The following ABAT variants were observed in gnomAD, a reference collection of about 807,000 sequenced individuals.
The protein encoded by ABAT is 4-aminobutyrate aminotransferase, mitochondrial.
A neutral mutation model predicts 64.6 loss-of-function variants in ABAT; 45 were observed. The observed-to-expected ratio is 0.70, with a 90% CI of 0.55 to 0.89. The LOEUF (loss-of-function observed/expected upper bound fraction) is 0.89, where lower values mean the gene tolerates loss of function less well. Among genes scored for constraint, ABAT ranks in the 40% least tolerant of loss-of-function variants. The probability of loss-of-function intolerance (pLI) is 0.00; values close to 1 mark genes in which losing one functional copy is unlikely to be tolerated. For synonymous variants in ABAT, 297 were observed against 250.5 expected (o/e 1.19, Z -1.75); for missense variants, 633 against 658.4 (o/e 0.96, Z 0.42).
intron 1 of ABAT, among the ~76,000 whole-genome samples, chr16:8,729,081 C>T (rs2058641685): frequency 1.3e-5 from 2 of 151,638 alleles, no homozygotes; most frequent in South Asian, 4.2e-4. Context: ...CCAAGGCAGG[C>T]AGATTACTTG....
intron 1 of ABAT, among the ~76,000 whole-genome samples, chr16:8,706,821 A>G (rs1254542360): frequency 2.0e-5 from 3 of 152,226 alleles, no homozygotes; most frequent in Non-Finnish European, 2.9e-5. Flanking sequence ...TATATCCACA[A>G]GAAGGTTTAT....
At chr16:8,769,765 C>G (rs1567313686) in intron 11 of ABAT, among the ~76,000 whole-genome samples, 1 of 152,142 alleles carries the variant, frequency 6.6e-6, no homozygotes, top group Non-Finnish European at 1.5e-5. Flanking sequence ...CGTCATCTAA[C>G]ACAGCCCTCT....
chr16:8,733,837 G>C (rs1039086954), intron 1 of ABAT, among the ~76,000 whole-genome samples: 6 of 147,620 alleles, frequency 4.1e-5, no homozygotes, highest in Non-Finnish European at 8.8e-5. Context: ...GAGAGGGAGA[G>C]GGAACTGAAT....
chr16:8,775,204 T>C (rs1156467778), intron 13 of ABAT, 147 bp downstream of exon 13: 2 of 1,037,478 alleles, frequency 1.9e-6, no homozygotes, highest in African/African-American at 3.2e-5. Flanking sequence ...TCAATGCAAT[T>C]AGCAGTGGTG....
intron 6 of ABAT, among the ~76,000 whole-genome samples, chr16:8,761,076 T>TAAAAC (rs113962100): frequency 0.84 from 126,700 of 151,432 alleles, 54,194 homozygotes; most frequent in Non-Finnish European, 0.93. Context: ...ACCTTGCCTC[T>TAAAAC]GAAACAAAAC....
chr16:8,775,200 C>A, intron 13 of ABAT, 143 bp downstream of exon 13: 2 of 1,067,884 alleles, frequency 1.9e-6, no homozygotes, highest in Non-Finnish European at 2.8e-6. Flanking sequence ...CTTATCAATG[C>A]AATTAGCAGT....
chr16:8,746,053 T>C lies in ABAT; in HGVS notation c.123T>C (p.Tyr41=), dbSNP rs757005452. The change falls in exon 3 of 16, where the codon TAT becomes TAC. Residue 41 remains tyrosine (Y), a synonymous_variant. Coordinates refer to ENST00000268251, the MANE Select transcript of ABAT (RefSeq NM_020686.6). ...AAAKVDVEFD[Y]DGPLMKTEVP... is the part of the protein sequence containing the mutation. ...CCAAAGTCGACGTTGAATTTGATTA[T>C]GATGGGCCTCTGATGAAGACGGAAG... The C allele has an allele frequency of 6.2e-7, 1 of 1,613,996 alleles. No individual in the cohort carries two copies. Among genetic ancestry groups the C allele is most frequent in the East Asian group, 2.2e-5 (1 of 44,872 alleles).
intron 1 of ABAT, among the ~76,000 whole-genome samples, chr16:8,703,677 T>C (rs2057877256): frequency 6.6e-6 from 1 of 152,168 alleles, no homozygotes; most frequent in African/African-American, 2.4e-5. Flanking sequence ...CTCTAAAAAC[T>C]GAACTCTGCT....
chr16:8,777,201 C>T (rs2060291847), intron 14 of ABAT, among the ~76,000 whole-genome samples: 1 of 152,192 alleles, frequency 6.6e-6, no homozygotes, highest in Non-Finnish European at 1.5e-5. Flanking sequence ...CCGTGCCCGG[C>T]CCTGGTTATC....
At chr16:8,759,384 T>TC (rs1391435360) in intron 6 of ABAT, among the ~76,000 whole-genome samples, 1 of 151,770 alleles carries the variant, frequency 6.6e-6, no homozygotes, top group African/African-American at 2.4e-5. Flanking sequence ...TTTTTTTTAC[T>TC]CCCACTGAGA....
intron 2 of ABAT, among the ~76,000 whole-genome samples, chr16:8,744,902 G>T (rs1192588001): frequency 6.6e-6 from 1 of 152,026 alleles, no homozygotes; most frequent in East Asian, 1.9e-4. Context: ...CAATTAATGG[G>T]TGCATAATAT....
intron 11 of ABAT, among the ~76,000 whole-genome samples, chr16:8,770,304 A>AT (rs1381346827): frequency 2.0e-5 from 3 of 151,840 alleles, no homozygotes; most frequent in Non-Finnish European, 4.4e-5. Context: ...CACCCGGCTA[A>AT]TTTTTTGTAT....
chr16:8,782,742 T>A lies in ABAT; in HGVS notation c.*1312T>A, dbSNP rs550997522. 1 of 152,360 alleles carries A rather than the reference T, an allele frequency of 6.6e-6. No homozygotes were observed. Among genetic ancestry groups the A allele is most frequent in the South Asian group, 2.1e-4 (1 of 4,826 alleles). The allele number at this position is 152,360 out of a possible 1,614,324, so 9.4% of individuals were successfully genotyped here. A position where few individuals can be genotyped will look rare whatever the true frequency, so the allele number is the denominator to read the frequency against. On this transcript the variant is annotated 3_prime_UTR_variant, in exon 16 of 16. Coordinates refer to ENST00000268251, the MANE Select transcript of ABAT (RefSeq NM_020686.6). Reference sequence around the variant, plus strand: ...ACCTCGAATGCTCCTAAAAGAGAACTTGATAGCCTGACAGCAGAGAAGTAT... The same window carrying A: ...ACCTCGAATGCTCCTAAAAGAGAACATGATAGCCTGACAGCAGAGAAGTAT...
chr16:8,757,836 C>G, intron 6 of ABAT, 30 bp downstream of exon 6: 1 of 1,607,810 alleles, frequency 6.2e-7, no homozygotes, highest in Non-Finnish European at 8.5e-7. Context: ...AGAAGAAAGA[C>G]AAAATATGTT....
At chr16:8,774,231 C>T (rs973656065) in intron 12 of ABAT, among the ~76,000 whole-genome samples, 2 of 152,064 alleles carry the variant, frequency 1.3e-5, no homozygotes, top group African/African-American at 2.4e-5. Flanking sequence ...CGCGCCTTGC[C>T]GAGTGTGTAT....
At chr16:8,774,452 C>T (rs897279443) in intron 12 of ABAT, among the ~76,000 whole-genome samples, 5 of 151,994 alleles carry the variant, frequency 3.3e-5, no homozygotes, top group African/African-American at 4.8e-5. Flanking sequence ...AGTTATAAGA[C>T]GTGAGTTGAC....
intron 9 of ABAT, among the ~76,000 whole-genome samples, chr16:8,766,690 C>T (rs1262283517): frequency 6.6e-6 from 1 of 150,918 alleles, no homozygotes. Context: ...AACAAAAGGC[C>T]GGCTGCTGTG....
intron 1 of ABAT, among the ~76,000 whole-genome samples, chr16:8,684,741 G>T (rs919570657): frequency 6.7e-6 from 1 of 148,974 alleles, no homozygotes. Context: ...AAAAAAAAAG[G>T]TGGAGGGTAA....
chr16:8,674,625 A>C lies in ABAT; in HGVS notation c.-128A>C, dbSNP rs928639371. The C allele has an allele frequency of 2.6e-5, 4 of 152,228 alleles. No homozygotes were observed. Among genetic ancestry groups the C allele is most frequent in the African/African-American group, 9.6e-5 (4 of 41,458 alleles). The allele number at this position is 152,228 out of a possible 1,614,324, so 9.4% of individuals were successfully genotyped here. A position where few individuals can be genotyped will look rare whatever the true frequency, so the allele number is the denominator to read the frequency against. ...AGTCGCTGGGGGAAGTCGAGCAGAC[A>C]CCCAGCGCTGCCGGAACTCGGGGCG... On this transcript the variant is annotated 5_prime_UTR_variant, in exon 1 of 16. Coordinates refer to ENST00000268251, the MANE Select transcript of ABAT (RefSeq NM_020686.6).
Sources: allele counts gnomAD v4.1 joint callset (sites outside exome capture counted in the v4.1 genomes callset), GRCh38; gene constraint gnomAD v4.1.1; transcripts MANE v1.5; gene names NCBI Gene and HGNC (gene_info 2026-07-23, HGNC 2026-07-21).